NR3C2: variants seen among roughly 807,000 people sequenced by gnomAD.
NR3C2 encodes mineralocorticoid receptor.
NR3C2 carries 15 observed loss-of-function variants against 86.4 expected under a neutral mutation model. The observed-to-expected ratio is 0.17, with a 90% CI of 0.12 to 0.27. The LOEUF is 0.27. NR3C2 is among the 10% of genes least tolerant of loss of function. The pLI is 1.00. For missense variants in NR3C2, 960 were observed against 1,195.6 expected (o/e 0.80, Z 2.91); for synonymous variants, 458 against 450.5 (o/e 1.02, Z -0.21).
intron 2 of NR3C2, among the ~76,000 whole-genome samples, chr4:148,397,054 T>C (rs757282818): frequency 3.9e-5 from 6 of 152,182 alleles, no homozygotes; most frequent in Non-Finnish European, 7.4e-5. Flanking sequence ...CTATTGAAAT[T>C]TGAAGTGTAA....
At chr4:148,147,458 T>C (rs34936098) in intron 6 of NR3C2, among the ~76,000 whole-genome samples, 2,803 of 152,364 alleles carry the variant, frequency 0.018, 37 homozygotes, top group Middle Eastern at 0.037. Context: ...TGGTTCATTT[T>C]TTCAATAATT....
intron 3 of NR3C2, among the ~76,000 whole-genome samples, chr4:148,196,660 A>C (rs540444843): frequency 6.6e-6 from 1 of 152,246 alleles, no homozygotes; most frequent in Non-Finnish European, 1.5e-5. Flanking sequence ...AATTAAAATA[A>C]TTTAATCTAA....
chr4:148,425,281 A>AG (rs1040315924), intron 2 of NR3C2, among the ~76,000 whole-genome samples: 8 of 152,234 alleles, frequency 5.3e-5, no homozygotes, highest in Admixed American at 5.2e-4. Context: ...AGGCCAGATG[A>AG]GGTCCTTCTC....
rs534452332 is a variant in NR3C2 at position 148,307,896 on chromosome 4, G to A, written c.1758-47779C>T. On this transcript the variant is annotated intron_variant, in intron 2 of 8. Transcript: ENST00000358102. ...AAGGGCACTTGAAGATACTCTAAAA[G>A]AAAAAAAGTTAATACTGAGACAGAG... Among the ~76,000 whole-genome samples the A allele has an allele frequency of 4.4e-4, 66 of 151,544 alleles. 1 individual carries two copies. The South Asian group carries it at 7.1e-3, about 16-fold the overall frequency.
intron 3 of NR3C2, among the ~76,000 whole-genome samples, chr4:148,252,250 C>A (rs554308432): frequency 6.6e-6 from 1 of 152,216 alleles, no homozygotes; most frequent in South Asian, 2.1e-4. Context: ...AAGGATCATA[C>A]CTTTAAGTCT....
intron 6 of NR3C2, among the ~76,000 whole-genome samples, chr4:148,123,225 C>T (rs973756780): frequency 1.3e-5 from 2 of 152,082 alleles, no homozygotes; most frequent in African/African-American, 2.4e-5. Flanking sequence ...AAAAACTCTG[C>T]CCTGGTAAAT....
intron 2 of NR3C2, among the ~76,000 whole-genome samples, chr4:148,345,616 A>C (rs763573048): frequency 6.6e-5 from 10 of 151,908 alleles, no homozygotes; most frequent in Admixed American, 3.3e-4. Context: ...ACTTGTTCGA[A>C]AGAAGAAATG....
intron 7 of NR3C2, among the ~76,000 whole-genome samples, chr4:148,117,075 C>T (rs1166811401): frequency 6.6e-6 from 1 of 152,078 alleles, no homozygotes; most frequent in African/African-American, 2.4e-5. Flanking sequence ...ACAACAGAAA[C>T]CTTGGTGAAG....
intron 2 of NR3C2, among the ~76,000 whole-genome samples, chr4:148,416,274 T>A (rs1748991016): frequency 6.6e-6 from 1 of 152,210 alleles, no homozygotes; most frequent in African/African-American, 2.4e-5. Flanking sequence ...TCCTAGAAAC[T>A]GGATCTTTTG....
rs199563185 is a variant in NR3C2, at chr4:148,134,625, T to TTC, written c.2511-14339_2511-14338dup. ...CCTTAAAAGTGTTAGCTCCCTGTGA[T>TTC]TCTCTCTCTCTCTCTCTCTTTTTTT... On this transcript the variant is annotated intron_variant, in intron 6 of 8. Coordinates refer to ENST00000358102, the MANE Select transcript of NR3C2 (RefSeq NM_000901.5). Among the ~76,000 whole-genome samples, 157 of 101,058 alleles carry TTC rather than the reference T, an allele frequency of 1.6e-3. 1 individual carries two copies. The highest frequency in any genetic ancestry group is 0.013 in the East Asian group (29 of 2,306). The allele number at this position is 101,058 out of a possible 152,430, so 66.3% of individuals were successfully genotyped here. A position where few individuals can be genotyped will look rare whatever the true frequency, so the allele number is the denominator to read the frequency against.
At chr4:148,306,762 G>C (rs898888358) in intron 2 of NR3C2, among the ~76,000 whole-genome samples, 1 of 152,168 alleles carries the variant, frequency 6.6e-6, no homozygotes, top group African/African-American at 2.4e-5. Context: ...CACATTCATA[G>C]AGTTAAATGC....
At chr4:148,357,019 T>C (rs763469787) in intron 2 of NR3C2, among the ~76,000 whole-genome samples, 1 of 151,434 alleles carries the variant, frequency 6.6e-6, no homozygotes, top group South Asian at 2.1e-4. Context: ...GGGGGAGGGA[T>C]TGATAAACCT....
chr4:148,402,834 A>C (rs1345525467), intron 2 of NR3C2, among the ~76,000 whole-genome samples: 1 of 152,154 alleles, frequency 6.6e-6, no homozygotes, highest in Non-Finnish European at 1.5e-5. Context: ...CCCACCTGAC[A>C]TGAAAATAAG....
chr4:148,154,462 A>C, intron 5 of NR3C2, 89 bp downstream of exon 5: 1 of 1,196,300 alleles, frequency 8.4e-7, no homozygotes, highest in Admixed American at 1.7e-5. Context: ...TAGAACGCAA[A>C]CTCCTCCTGC....
rs1361633126 is a variant in NR3C2 at position 148,080,570 on chromosome 4, G to A, written c.*774C>T. Reference sequence around the variant, plus strand: ...TAACCATTAAAGATTTTTTTTGTATGTGTCTCATTTACAAAAGATCCTTAT... The same window carrying A: ...TAACCATTAAAGATTTTTTTTGTATATGTCTCATTTACAAAAGATCCTTAT... On this transcript the variant is annotated 3_prime_UTR_variant, in exon 9 of 9. Coordinates refer to ENST00000358102, the MANE Select transcript of NR3C2 (RefSeq NM_000901.5). 1 of 155,668 alleles carries A rather than the reference G, an allele frequency of 6.4e-6. No individual in the cohort carries two copies. Among genetic ancestry groups the A allele is most frequent in the Non-Finnish European group, 1.4e-5 (1 of 69,488 alleles). The allele number at this position is 155,668 out of a possible 1,614,324, so 9.6% of individuals were successfully genotyped here.
At chr4:148,378,813 G>A (rs186594472) in intron 2 of NR3C2, among the ~76,000 whole-genome samples, 30 of 152,174 alleles carry the variant, frequency 2.0e-4, no homozygotes, top group East Asian at 7.7e-4. Flanking sequence ...ATAGCAGTGC[G>A]AGAACAGACT....
chr4:148,175,681 TC>T (rs1178109275), intron 4 of NR3C2, among the ~76,000 whole-genome samples: 1 of 152,216 alleles, frequency 6.6e-6, no homozygotes, highest in Non-Finnish European at 1.5e-5. Context: ...TTCTTATTTT[TC>T]TATTTTTCTA....
At chr4:148,427,643 G>C (rs1376649688) in intron 2 of NR3C2, among the ~76,000 whole-genome samples, 1 of 152,002 alleles carries the variant, frequency 6.6e-6, no homozygotes, top group Non-Finnish European at 1.5e-5. Flanking sequence ...CCATAGAAAG[G>C]GGGGGTGTCC....
rs1367573548 is a variant in NR3C2, at chr4:148,296,046, A to AT, written c.1758-35930_1758-35929insA. ...AGGTCCTTAATATGAGCTGAGGCCA[A>AT]AAAAAAAAAAAAAAAAAAAAGAGAG... On this transcript the variant is annotated intron_variant, in intron 2 of 8. Coordinates refer to ENST00000358102, the MANE Select transcript of NR3C2 (RefSeq NM_000901.5). 2.1e-5 allele frequency among the ~76,000 whole-genome samples: 3 copies of AT among 145,300 alleles called. No individual in the cohort carries two copies. The East Asian group carries it at 5.9e-4, about 28-fold the overall frequency.
Sources: allele counts gnomAD v4.1 joint callset (sites outside exome capture counted in the v4.1 genomes callset), GRCh38; gene constraint gnomAD v4.1.1; transcripts MANE v1.5; gene names NCBI Gene and HGNC (gene_info 2026-07-23, HGNC 2026-07-21).